The following EPHA4 variants were observed in gnomAD, a reference collection of about 807,000 sequenced individuals.
EPHA4 encodes EPH receptor A4, also known as ephrin type-A receptor 4.
EPHA4 carries 19 observed loss-of-function variants against 108.3 expected under a neutral mutation model. That is an observed-to-expected ratio of 0.18 (90% CI 0.12 to 0.26). The LOEUF is 0.26. Ranked by LOEUF, EPHA4 falls within the 10% of genes least tolerant of loss-of-function variation. The pLI, the probability that EPHA4 is intolerant of heterozygous loss-of-function variation, is 1.00. For synonymous variants in EPHA4, 449 were observed against 455.5 expected, an observed-to-expected ratio of 0.99 and a Z score of 0.18; for missense variants, 917 against 1,254.0, an observed-to-expected ratio of 0.73 and a Z score of 4.06.
intron 8 of EPHA4, 48 bp from the exon 9 acceptor site, chr2:221,446,229 A>G: frequency 8.3e-7 from 1 of 1,203,928 alleles, no homozygotes; most frequent in Non-Finnish European, 1.1e-6. Context: ...CAAACACCTA[A>G]GCTTTAACAC....
intron 6 of EPHA4, among the ~76,000 whole-genome samples, chr2:221,457,428 G>A (rs1472079046): frequency 1.3e-5 from 2 of 152,084 alleles, no homozygotes; most frequent in African/African-American, 2.4e-5. Context: ...ATTCTGAATA[G>A]CAGTGATCTA....
chr2:221,437,895 C>A (rs1397482763), intron 11 of EPHA4, among the ~76,000 whole-genome samples: 4 of 38,552 alleles, frequency 1.0e-4, no homozygotes, highest in African/African-American at 2.5e-4. Context: ...TACACTCCAG[C>A]CTGGGGGGCG....
chr2:221,538,070 A>ACAAGT (rs1397893372), intron 3 of EPHA4, among the ~76,000 whole-genome samples: 2 of 100,568 alleles, frequency 2.0e-5, no homozygotes, highest in Non-Finnish European at 4.1e-5. Context: ...AGCAAAACTG[A>ACAAGT]CAGAGTGCTG....
chr2:221,445,718 C>G (rs1690574119), intron 9 of EPHA4, among the ~76,000 whole-genome samples: 2 of 151,786 alleles, frequency 1.3e-5, no homozygotes, highest in Non-Finnish European at 1.5e-5. Context: ...GTCACTAATT[C>G]TATATCACAT....
chr2:221,438,035 T>C (rs2106100788), intron 11 of EPHA4, among the ~76,000 whole-genome samples: 1 of 152,324 alleles, frequency 6.6e-6, no homozygotes, highest in East Asian at 1.9e-4. Context: ...CTTGCTTTGG[T>C]CTGATTCCTT....
In EPHA4 at chr2:221,437,223, G is replaced by T. The variant is rs968375766; in HGVS notation, c.2075-101C>A. On this transcript the variant is annotated intron_variant, in intron 11 of 17. Coordinates refer to ENST00000281821, the MANE Select transcript of EPHA4 (RefSeq NM_004438.5). ...ATTTTACTGCCAAGATACCTGTCTTGTGTGATCTAATTTAATTAAAACAAG... is the reference window on the plus strand; with the variant it reads ...ATTTTACTGCCAAGATACCTGTCTTTTGTGATCTAATTTAATTAAAACAAG... 10 of 801,028 alleles carry T rather than the reference G, an allele frequency of 1.2e-5. No individual in the cohort carries two copies. In the East Asian group the frequency reaches 2.3e-4, roughly 18 times the overall value. The allele number at this position is 801,028 out of a possible 1,614,324, so 49.6% of individuals were successfully genotyped here. A position where few individuals can be genotyped will look rare whatever the true frequency, so the allele number is the denominator to read the frequency against.
At chr2:221,456,842 A>G in intron 6 of EPHA4, 70 bp from the exon 7 acceptor site, 1 of 1,562,262 alleles carries the variant, frequency 6.4e-7, no homozygotes, top group South Asian at 1.1e-5. Flanking sequence ...TAGGTGCAAT[A>G]TTAAAGGAGT....
At chr2:221,532,553 A>C (rs191330743) in intron 3 of EPHA4, 2 of 152,370 alleles carry the variant, frequency 1.3e-5, no homozygotes, top group Admixed American at 6.5e-5. Context: ...CCTAGTCATC[A>C]CAAGGGCAGA....
intron 4 of EPHA4, among the ~76,000 whole-genome samples, chr2:221,491,202 T>C (rs1692132229): frequency 6.6e-6 from 1 of 152,198 alleles, no homozygotes; most frequent in Non-Finnish European, 1.5e-5. Context: ...ATGGCTGAAG[T>C]GCCTTATAAA....
chr2:221,467,442 C>A (rs985075206), intron 5 of EPHA4, among the ~76,000 whole-genome samples: 1 of 152,172 alleles, frequency 6.6e-6, no homozygotes, highest in Non-Finnish European at 1.5e-5. Context: ...TAGTATACCT[C>A]CTGGGTTAAG....
chr2:221,427,774 C>T (rs887873223), intron 15 of EPHA4, among the ~76,000 whole-genome samples: 11 of 152,078 alleles, frequency 7.2e-5, no homozygotes, highest in African/African-American at 2.7e-4. Context: ...AAAATTAAGT[C>T]GATATAATGC....
intron 3 of EPHA4, among the ~76,000 whole-genome samples, chr2:221,527,901 A>G (rs1468540103): frequency 1.3e-5 from 2 of 152,162 alleles, no homozygotes; most frequent in African/African-American, 4.8e-5. Flanking sequence ...GCTGCCCTGC[A>G]AACCCCTCCT....
At chr2:221,437,693 C>T (rs938983767) in intron 11 of EPHA4, among the ~76,000 whole-genome samples, 3 of 151,180 alleles carry the variant, frequency 2.0e-5, no homozygotes, top group Non-Finnish European at 2.9e-5. Flanking sequence ...AGTCGGATTG[C>T]CTCAGGTCAG....
intron 3 of EPHA4, among the ~76,000 whole-genome samples, chr2:221,512,390 T>G (rs575236463): frequency 9.8e-5 from 15 of 152,352 alleles, no homozygotes; most frequent in African/African-American, 2.6e-4. Context: ...TTTAAATAAG[T>G]GCTGCCATAT....
At chr2:221,524,294 C>G (rs560043822) in intron 3 of EPHA4, among the ~76,000 whole-genome samples, 2 of 152,232 alleles carry the variant, frequency 1.3e-5, no homozygotes, top group South Asian at 4.2e-4. Context: ...TGCTAGGCTT[C>G]GGGGTAAAAG....
At chr2:221,447,677 C>A (rs1220195202) in intron 8 of EPHA4, among the ~76,000 whole-genome samples, 2 of 152,146 alleles carry the variant, frequency 1.3e-5, no homozygotes, top group African/African-American at 4.8e-5. Flanking sequence ...CATATATTAT[C>A]TCCTTCCCTA....
rs903200684 is a variant in EPHA4, at chr2:221,418,808, T to G, written c.*2564A>C. 1.3e-5 allele frequency: 2 copies of G among 152,558 alleles called. No homozygotes were observed. Among genetic ancestry groups the G allele is most frequent in the African/African-American group, 4.8e-5 (2 of 41,446 alleles). The allele number at this position is 152,558 out of a possible 1,614,324, so 9.5% of individuals were successfully genotyped here. The stretch of plus-strand genomic sequence containing the variant: ...TCAGACCCAGACCCTGAAGTTGGCC[T>G]CCTACCCTTACCTCTGGAAAAGATG... On this transcript the variant is annotated 3_prime_UTR_variant, in exon 18 of 18. Transcript: ENST00000281821.
At chr2:221,459,691 C>A (rs1021718342) in intron 5 of EPHA4, among the ~76,000 whole-genome samples, 1 of 152,034 alleles carries the variant, frequency 6.6e-6, no homozygotes, top group Admixed American at 6.6e-5. Context: ...AAGAAAACTG[C>A]CTGGCTGTGG....
intron 5 of EPHA4, among the ~76,000 whole-genome samples, chr2:221,467,189 G>A (rs1445438879): frequency 6.6e-6 from 1 of 152,172 alleles, no homozygotes; most frequent in African/African-American, 2.4e-5. Flanking sequence ...AATTAGAGAA[G>A]GGGTAAGGAT....
Sources: gnomAD v4.1 joint callset for allele counts (sites outside exome capture counted in the v4.1 genomes callset) on GRCh38, gnomAD v4.1.1 for gene constraint, MANE v1.5 for transcripts, NCBI Gene and HGNC (gene_info 2026-07-23, HGNC 2026-07-21) for gene names.